Variants in PLCL2 observed in about 807,000 individuals in gnomAD.
The protein encoded by PLCL2 is inactive phospholipase C-like protein 2.
PLCL2 carries 4 observed loss-of-function variants against 79.6 expected under a neutral mutation model. The ratio of observed to expected loss-of-function variants is 0.05; its 90% CI spans 0.02 to 0.11. PLCL2 has a LOEUF of 0.11. PLCL2 is among the 10% of genes least tolerant of loss of function. The probability of loss-of-function intolerance (pLI) is 1.00; values close to 1 mark genes in which losing one functional copy is unlikely to be tolerated. For synonymous variants in PLCL2, 484 were observed against 457.7 expected (o/e 1.06, Z -0.73); for missense variants, 895 against 1,291.0 (o/e 0.69, Z 4.70).
At chr3:17,028,348 C>G (rs1259027308) in intron 3 of PLCL2, among the ~76,000 whole-genome samples, 1 of 152,198 alleles carries the variant, frequency 6.6e-6, no homozygotes, top group Non-Finnish European at 1.5e-5. Flanking sequence ...AAACCCTCTC[C>G]CACCTGAGGA....
chr3:16,960,684 C>G (rs530559195), intron 1 of PLCL2, among the ~76,000 whole-genome samples: 16 of 152,184 alleles, frequency 1.1e-4, no homozygotes, highest in Non-Finnish European at 1.8e-4. Context: ...TGAAGTCAGT[C>G]CTGTAATTGA....
chr3:17,067,252 G>T (rs554811363), intron 4 of PLCL2, among the ~76,000 whole-genome samples: 1 of 152,224 alleles, frequency 6.6e-6, no homozygotes, highest in South Asian at 2.1e-4. Context: ...TACTATTAGA[G>T]TTATATTGGT....
chr3:17,030,909 A>G (rs1259774631), intron 3 of PLCL2, among the ~76,000 whole-genome samples: 1 of 152,206 alleles, frequency 6.6e-6, no homozygotes, highest in Non-Finnish European at 1.5e-5. Context: ...CCCTTGGAGA[A>G]AAGACTTGAT....
At chr3:16,962,979 A>G (rs906239655) in intron 1 of PLCL2, among the ~76,000 whole-genome samples, 2 of 152,144 alleles carry the variant, frequency 1.3e-5, no homozygotes, top group African/African-American at 4.8e-5. Context: ...TACAATCAAG[A>G]TTAAATAAAA....
At chr3:16,943,724 C>T (rs1019663932) in intron 1 of PLCL2, among the ~76,000 whole-genome samples, 2 of 152,062 alleles carry the variant, frequency 1.3e-5, no homozygotes, top group Non-Finnish European at 2.9e-5. Flanking sequence ...ATCAGTGTAG[C>T]TCTGTATCAT....
intron 1 of PLCL2, among the ~76,000 whole-genome samples, chr3:17,001,474 T>G (rs950024487): frequency 1.3e-5 from 2 of 152,190 alleles, no homozygotes; most frequent in African/African-American, 4.8e-5. Context: ...TTCTAGTAGT[T>G]TCATAGTTTC....
At chr3:17,012,614 C>T (rs983264877) in intron 2 of PLCL2, among the ~76,000 whole-genome samples, 11 of 152,144 alleles carry the variant, frequency 7.2e-5, no homozygotes, top group African/African-American at 2.4e-4. Flanking sequence ...TTTAAATGAG[C>T]CATAAATATA....
chr3:16,924,309 T>A (rs1256616690), intron 1 of PLCL2, among the ~76,000 whole-genome samples: 2 of 152,188 alleles, frequency 1.3e-5, no homozygotes, highest in Non-Finnish European at 2.9e-5. Context: ...TTAGTGACAT[T>A]TCTATACTAA....
chr3:16,966,765 A>T (rs2063811310), intron 1 of PLCL2, among the ~76,000 whole-genome samples: 1 of 152,044 alleles, frequency 6.6e-6, no homozygotes, highest in African/African-American at 2.4e-5. Context: ...TGTGTCCAGG[A>T]ATTTATCCAT....
Position 17,090,393 on chromosome 3 carries a change from G to A in PLCL2, c.*481G>A. ...CATAATTACTAAAGAGAATGTAAGT[G>A]GACGGGTTCCCTGAATCCCCGGGGT... On this transcript the variant is annotated 3_prime_UTR_variant, in exon 6 of 6. Coordinates refer to ENST00000615277, the MANE Select transcript of PLCL2 (RefSeq NM_001144382.2). The A allele has an allele frequency of 2.8e-6, 1 of 360,594 alleles. No homozygotes were observed. The highest frequency in any genetic ancestry group is 3.9e-6 in the Non-Finnish European group (1 of 258,864). 22.3% of individuals were successfully genotyped at this position (360,594 alleles called of 1,614,324 possible). A position where few individuals can be genotyped will look rare whatever the true frequency, so the allele number is the denominator to read the frequency against.
intron 3 of PLCL2, among the ~76,000 whole-genome samples, chr3:17,037,392 CTT>C (rs2064669271): frequency 6.6e-6 from 1 of 152,166 alleles, no homozygotes; most frequent in South Asian, 2.1e-4. Flanking sequence ...GAATGATAAT[CTT>C]TTCATTTTTT....
chr3:16,944,419 C>T (rs1163917445), intron 1 of PLCL2, among the ~76,000 whole-genome samples: 1 of 152,164 alleles, frequency 6.6e-6, no homozygotes, highest in South Asian at 2.1e-4. Flanking sequence ...ACTGTGCCCC[C>T]TCAAAATTCA....
intron 1 of PLCL2, among the ~76,000 whole-genome samples, chr3:16,929,356 T>A (rs1337481560): frequency 1.3e-5 from 2 of 152,166 alleles, no homozygotes; most frequent in Admixed American, 6.5e-5. Context: ...CAACATATTT[T>A]TAAATCCTGA....
chr3:17,007,309 C>T (rs550594388), intron 1 of PLCL2, among the ~76,000 whole-genome samples: 128 of 152,208 alleles, frequency 8.4e-4, no homozygotes, highest in African/African-American at 1.8e-3. Flanking sequence ...AAACTAAAGA[C>T]GTCATTCTGA....
chr3:17,032,075 T>TA (rs554636778), intron 3 of PLCL2, among the ~76,000 whole-genome samples: 279 of 152,210 alleles, frequency 1.8e-3, no homozygotes, highest in Middle Eastern at 3.4e-3. Context: ...TTTCTTAACT[T>TA]AAAGTTTTGG....
intron 5 of PLCL2, among the ~76,000 whole-genome samples, chr3:17,085,736 A>C (rs2065212375): frequency 6.6e-6 from 1 of 152,062 alleles, no homozygotes; most frequent in African/African-American, 2.4e-5. Context: ...GGCGTGAGCC[A>C]CCATGCCCGG....
chr3:16,996,529 C>G (rs971803783), intron 1 of PLCL2, among the ~76,000 whole-genome samples: 3 of 151,994 alleles, frequency 2.0e-5, no homozygotes, highest in Non-Finnish European at 4.4e-5. Context: ...TTCCAAATTC[C>G]TAGGCCAGAA....
At position 16,886,834 on chromosome 3, in the gene PLCL2, T is replaced by C. The variant is rs1327281745; in HGVS notation, c.327+1468T>C. ...TAGGTGACATTTCTGTTTTTATTTG[T>C]CATAAAATATTTGTGGTGATTTTGC... On this transcript the variant is annotated intron_variant, in intron 1 of 5. Coordinates refer to ENST00000615277, the MANE Select transcript of PLCL2 (RefSeq NM_001144382.2). This position sits in a 1 kb window ranked among gnomAD's most constrained non-coding sequence, Gnocchi z 4.2. 2.6e-5 allele frequency among the ~76,000 whole-genome samples: 4 copies of C among 152,242 alleles called. No individual in the cohort carries two copies. Among genetic ancestry groups the C allele is most frequent in the African/African-American group, 9.6e-5 (4 of 41,464 alleles).
intron 4 of PLCL2, among the ~76,000 whole-genome samples, chr3:17,055,941 A>C (rs1414992447): frequency 6.6e-6 from 1 of 152,156 alleles, no homozygotes; most frequent in African/African-American, 2.4e-5. Context: ...ACATTTCCCC[A>C]GTGCCACAAA....
Sources: allele counts gnomAD v4.1 joint callset (sites outside exome capture counted in the v4.1 genomes callset), GRCh38; gene constraint gnomAD v4.1.1; non-coding constraint Gnocchi (gnomAD v3.1); transcripts MANE v1.5; gene names NCBI Gene and HGNC (gene_info 2026-07-23, HGNC 2026-07-21).